Variants in KCNIP4 observed in about 807,000 individuals in gnomAD.
KCNIP4 encodes potassium voltage-gated channel interacting protein 4, also known as Kv channel-interacting protein 4.
KCNIP4 carries 12 observed loss-of-function variants against 34.0 expected under a neutral mutation model. The observed-to-expected ratio is 0.35, with a 90% CI of 0.23 to 0.57. The LOEUF is 0.57. Among genes scored for constraint, KCNIP4 ranks in the 20% least tolerant of loss-of-function variants. The pLI, the probability that KCNIP4 is intolerant of heterozygous loss-of-function variation, is 0.83. For missense variants in KCNIP4, 238 were observed against 311.7 expected (o/e 0.76, Z 1.78); for synonymous variants, 124 against 102.2 (o/e 1.21, Z -1.29).
intron 1 of KCNIP4, among the ~76,000 whole-genome samples, chr4:21,942,063 G>C (rs1326541787): frequency 6.6e-6 from 1 of 152,102 alleles, no homozygotes; most frequent in Non-Finnish European, 1.5e-5. Context: ...TCTCAGCCTT[G>C]ACACACTTTT....
chr4:21,842,000 C>T (rs1025665069), intron 1 of KCNIP4, among the ~76,000 whole-genome samples: 6 of 152,110 alleles, frequency 3.9e-5, no homozygotes, highest in Non-Finnish European at 7.4e-5. Flanking sequence ...TTTTTAGGAA[C>T]CCTTCCCTCA....
At chr4:21,556,930 A>AAAAAAAAC (rs1553903111) in intron 1 of KCNIP4, among the ~76,000 whole-genome samples, 1 of 108,194 alleles carries the variant, frequency 9.2e-6, no homozygotes, top group Non-Finnish European at 2.0e-5. Flanking sequence ...CAGAAAAAAA[A>AAAAAAAAC]AAAAAAAAAA....
chr4:21,065,756 ATATATATAT>A lies in KCNIP4; in HGVS notation c.62-183056_62-183048del, dbSNP rs1560690347. ...TATATATATATATATATATATATATATATATATATAACTCAATTTTATTTTAAAAAATAG... is the reference window on the plus strand; with the variant it reads ...TATATATATATATATATATATATATAAACTCAATTTTATTTTAAAAAATAG... On this transcript the variant is annotated intron_variant, in intron 1 of 8. Coordinates refer to ENST00000382152, the MANE Select transcript of KCNIP4 (RefSeq NM_025221.6). Among the ~76,000 whole-genome samples the A allele has an allele frequency of 6.1e-3, 869 of 142,640 alleles. 28 individuals carry two copies. The highest frequency in any genetic ancestry group is 0.052 in the Admixed American group (735 of 14,260). 93.6% of individuals were successfully genotyped at this position (142,640 alleles called of 152,430 possible).
chr4:20,855,321 T>A (rs532288935), intron 2 of KCNIP4, among the ~76,000 whole-genome samples: 1 of 152,270 alleles, frequency 6.6e-6, no homozygotes, highest in Admixed American at 6.5e-5. Flanking sequence ...AATAAAAACA[T>A]CCAGGCTCAG....
At chr4:20,869,199 C>T (rs1369732411) in intron 2 of KCNIP4, among the ~76,000 whole-genome samples, 1 of 151,868 alleles carries the variant, frequency 6.6e-6, no homozygotes, top group African/African-American at 2.4e-5. Flanking sequence ...TCAGTGATGA[C>T]AAAAGTATTC....
intron 1 of KCNIP4, among the ~76,000 whole-genome samples, chr4:21,489,016 T>A (rs1732146317): frequency 6.6e-6 from 1 of 152,100 alleles, no homozygotes. Context: ...AATTAAGCAT[T>A]GAAGAATGTT....
At chr4:21,374,432 AG>A (rs1442429032) in intron 1 of KCNIP4, among the ~76,000 whole-genome samples, 1 of 147,084 alleles carries the variant, frequency 6.8e-6, no homozygotes, top group African/African-American at 2.7e-5. Flanking sequence ...CCATGAGAAC[AG>A]TATGCGGGAA....
chr4:21,916,592 T>C (rs920439752), intron 1 of KCNIP4, among the ~76,000 whole-genome samples: 28 of 152,162 alleles, frequency 1.8e-4, no homozygotes, highest in Admixed American at 6.6e-4. Context: ...ATTCTATCTA[T>C]AAAAAGAAAA....
chr4:21,891,880 A>T (rs1297075138), intron 1 of KCNIP4, among the ~76,000 whole-genome samples: 1 of 152,064 alleles, frequency 6.6e-6, no homozygotes, highest in African/African-American at 2.4e-5. Context: ...GAGTAAATTA[A>T]TTTGCCTCTG....
At chr4:21,803,478 C>G (rs1211254175) in intron 1 of KCNIP4, among the ~76,000 whole-genome samples, 2 of 152,144 alleles carry the variant, frequency 1.3e-5, no homozygotes, top group Non-Finnish European at 2.9e-5. Flanking sequence ...ATTACCTTCC[C>G]TAAATGTTTC....
At chr4:21,731,785 A>G (rs1715619719) in intron 1 of KCNIP4, among the ~76,000 whole-genome samples, 1 of 152,084 alleles carries the variant, frequency 6.6e-6, no homozygotes, top group Admixed American at 6.6e-5. Flanking sequence ...TAATATTGTC[A>G]CCATATGCCA....
intron 1 of KCNIP4, among the ~76,000 whole-genome samples, chr4:21,013,608 T>C (rs908444314): frequency 3.3e-5 from 5 of 152,180 alleles, no homozygotes; most frequent in Non-Finnish European, 4.4e-5. Context: ...TTCTGTCAAC[T>C]CTTGCCTCAA....
chr4:21,540,698 T>C (rs1737605300), intron 1 of KCNIP4, among the ~76,000 whole-genome samples: 1 of 152,174 alleles, frequency 6.6e-6, no homozygotes, highest in South Asian at 2.1e-4. Flanking sequence ...TGATCCATTA[T>C]TTACCAAACG....
chr4:21,572,379 T>C (rs924822838), intron 1 of KCNIP4, among the ~76,000 whole-genome samples: 3 of 152,188 alleles, frequency 2.0e-5, no homozygotes, highest in Admixed American at 6.5e-5. Flanking sequence ...GTTCAAATTC[T>C]AGGGTAAAAT....
intron 1 of KCNIP4, among the ~76,000 whole-genome samples, chr4:21,327,507 T>C (rs893573516): frequency 1.3e-5 from 2 of 152,174 alleles, no homozygotes; most frequent in East Asian, 3.8e-4. Flanking sequence ...AGTTTGATTA[T>C]TAAATGTTTT....
chr4:21,277,907 C>T (rs1762535606), intron 1 of KCNIP4, among the ~76,000 whole-genome samples: 1 of 152,028 alleles, frequency 6.6e-6, no homozygotes. Context: ...TAAACAGCTT[C>T]CAGACAGAAA....
At chr4:21,206,133 G>T (rs141521583) in intron 1 of KCNIP4, among the ~76,000 whole-genome samples, 1 of 152,100 alleles carries the variant, frequency 6.6e-6, no homozygotes, top group Non-Finnish European at 1.5e-5. Context: ...TTCCTGTCGC[G>T]TCTAGATAAG....
chr4:21,438,800 A>T (rs1727183425), intron 1 of KCNIP4, among the ~76,000 whole-genome samples: 1 of 152,202 alleles, frequency 6.6e-6, no homozygotes, highest in Non-Finnish European at 1.5e-5. Context: ...CATTGCTTTA[A>T]AAAAACAATT....
At chr4:20,800,264 C>T (rs528085036) in intron 3 of KCNIP4, among the ~76,000 whole-genome samples, 1 of 152,284 alleles carries the variant, frequency 6.6e-6, no homozygotes, top group South Asian at 2.1e-4. Context: ...CCAACCAGTA[C>T]CCTCAGGCCC....
Sources: allele counts gnomAD v4.1 joint callset (sites outside exome capture counted in the v4.1 genomes callset), GRCh38; gene constraint gnomAD v4.1.1; transcripts MANE v1.5; gene names NCBI Gene and HGNC (gene_info 2026-07-23, HGNC 2026-07-21).